Variants in PDE11A observed in about 807,000 individuals in gnomAD.
The protein encoded by PDE11A is phosphodiesterase 11A.
Under a neutral mutation model 100.5 loss-of-function variants are expected in PDE11A, and 100 were observed. That is an observed-to-expected ratio of 1.00 (90% CI 0.85 to 1.18). The LOEUF is 1.18. PDE11A is among the 50% of genes most tolerant of loss of function. PDE11A has a pLI of 0.00. For synonymous variants in PDE11A, 381 were observed against 420.8 expected (o/e 0.91, Z 1.16); for missense variants, 1,141 against 1,152.6 (o/e 0.99, Z 0.15).
chr2:177,864,525 AG>A (rs1490498057), intron 5 of PDE11A, among the ~76,000 whole-genome samples: 1 of 152,212 alleles, frequency 6.6e-6, no homozygotes, highest in Non-Finnish European at 1.5e-5. Flanking sequence ...GTGGTAGAGG[AG>A]AGAAAAATGA....
At chr2:178,041,454 G>C (rs1219572060) in intron 1 of PDE11A, among the ~76,000 whole-genome samples, 1 of 151,718 alleles carries the variant, frequency 6.6e-6, no homozygotes. Context: ...ATAGTGGTCA[G>C]GCTGGTCTCG....
intron 19 of PDE11A, among the ~76,000 whole-genome samples, chr2:177,652,290 G>A (rs550984766): frequency 2.0e-5 from 3 of 152,312 alleles, no homozygotes; most frequent in African/African-American, 7.2e-5. Context: ...CCTCCTGGGG[G>A]CAAACAGAGG....
rs1342419058 is a variant in PDE11A, at chr2:177,660,093, TTCTTTCTCTCTCTCTC to T, written c.2646+3757_2646+3772del. 1.8e-3 allele frequency among the ~76,000 whole-genome samples: 66 copies of T among 35,912 alleles called. 4 individuals carry two copies. Among genetic ancestry groups the T allele is most frequent in the African/African-American group, 5.5e-3 (59 of 10,686 alleles). 23.6% of individuals were successfully genotyped at this position (35,912 alleles called of 152,430 possible). A position where few individuals can be genotyped will look rare whatever the true frequency, so the allele number is the denominator to read the frequency against. On this transcript the variant is annotated intron_variant, in intron 19 of 19. Coordinates refer to ENST00000286063, the MANE Select transcript of PDE11A (RefSeq NM_016953.4). ...TTTCTTTCTTTCTTTCTTTCTTTCT[TTCTTTCTCTCTCTCTC>T]TCTTTCTTTCTTTCTTTCTTTCATT...
chr2:177,677,042 T>C (rs1441638675), intron 16 of PDE11A, among the ~76,000 whole-genome samples: 7 of 152,216 alleles, frequency 4.6e-5, no homozygotes, highest in Admixed American at 4.6e-4. Flanking sequence ...TCTCAGCATC[T>C]CTCCTGCATA....
intron 4 of PDE11A, among the ~76,000 whole-genome samples, chr2:177,878,789 G>A (rs2084283288): frequency 6.6e-6 from 1 of 152,166 alleles, no homozygotes; most frequent in African/African-American, 2.4e-5. Flanking sequence ...GCAAGAGCAA[G>A]TGTTATTGCA....
intron 2 of PDE11A, among the ~76,000 whole-genome samples, chr2:177,977,305 CAGAG>C (rs1231115653): frequency 6.8e-6 from 1 of 146,008 alleles, no homozygotes; most frequent in Non-Finnish European, 1.5e-5. Context: ...AACAGACAAA[CAGAG>C]AGCCAAATCA....
At chr2:177,700,244 G>A (rs1258372956) in intron 14 of PDE11A, among the ~76,000 whole-genome samples, 1 of 152,082 alleles carries the variant, frequency 6.6e-6, no homozygotes, top group Non-Finnish European at 1.5e-5. Context: ...TATTGCAAAA[G>A]ACATGCTTTC....
intron 19 of PDE11A, among the ~76,000 whole-genome samples, chr2:177,660,097 TTCTC>T (rs146788797): frequency 1.4e-4 from 10 of 69,348 alleles, no homozygotes; most frequent in African/African-American, 5.2e-4. Flanking sequence ...CTTTCTTTCT[TTCTC>T]TCTCTCTCTC....
chr2:177,706,420 C>T (rs1052242142), intron 13 of PDE11A, among the ~76,000 whole-genome samples: 3 of 152,126 alleles, frequency 2.0e-5, no homozygotes, highest in African/African-American at 2.4e-5. Flanking sequence ...CCTAGCACAG[C>T]ATCTTGAATA....
chr2:178,082,308 A>G (rs1281648576), intron 2 of PDE11A, among the ~76,000 whole-genome samples: 1 of 152,210 alleles, frequency 6.6e-6, no homozygotes, highest in African/African-American at 2.4e-5. Context: ...TTCTATTATT[A>G]TTGTTGTTAT....
intron 19 of PDE11A, among the ~76,000 whole-genome samples, chr2:177,642,818 T>C (rs2080162858): frequency 6.6e-6 from 1 of 152,194 alleles, no homozygotes; most frequent in South Asian, 2.1e-4. Context: ...TGACATGTCA[T>C]GGGAGGAACC....
chr2:178,070,125 C>A (rs2087106093), intron 1 of PDE11A, among the ~76,000 whole-genome samples: 2 of 152,254 alleles, frequency 1.3e-5, no homozygotes, highest in East Asian at 1.9e-4. Flanking sequence ...CTTCTCATAG[C>A]TTTCTAGGAT....
rs1265000018 is a variant in PDE11A, at chr2:177,628,503, G to A, written c.*904C>T. The A allele has an allele frequency of 6.6e-6, 1 of 152,482 alleles. No individual in the cohort carries two copies. The highest frequency in any genetic ancestry group is 1.5e-5 in the Non-Finnish European group (1 of 68,030). 9.4% of individuals were successfully genotyped at this position (152,482 alleles called of 1,614,324 possible). A position where few individuals can be genotyped will look rare whatever the true frequency, so the allele number is the denominator to read the frequency against. On this transcript the variant is annotated 3_prime_UTR_variant, in exon 20 of 20. Coordinates refer to ENST00000286063, the MANE Select transcript of PDE11A (RefSeq NM_016953.4). ...GACCCCTATAGTTTGCTTTAAGTTG[G>A]TTACTGGTAGTAATCTTAAATTTTA... is the stretch of plus-strand genomic sequence containing the variant.
At chr2:177,826,529 A>C (rs916702713) in intron 6 of PDE11A, among the ~76,000 whole-genome samples, 4 of 152,240 alleles carry the variant, frequency 2.6e-5, no homozygotes, top group Non-Finnish European at 4.4e-5. Flanking sequence ...GAGAGAACTG[A>C]GTTTGGCCTA....
chr2:177,778,084 C>T (rs1224725882), intron 9 of PDE11A, among the ~76,000 whole-genome samples: 1 of 152,174 alleles, frequency 6.6e-6, no homozygotes, highest in Non-Finnish European at 1.5e-5. Flanking sequence ...TTATCGGACC[C>T]ATGAAAGAGA....
At chr2:177,946,313 G>A (rs1167156662) in intron 2 of PDE11A, among the ~76,000 whole-genome samples, 7 of 127,892 alleles carry the variant, frequency 5.5e-5, no homozygotes, top group South Asian at 2.5e-4. Flanking sequence ...CAGCCGCCCC[G>A]TCCGGGAGGG....
chr2:177,878,103 G>T (rs1412642511), intron 4 of PDE11A, among the ~76,000 whole-genome samples: 2 of 152,164 alleles, frequency 1.3e-5, no homozygotes, highest in African/African-American at 2.4e-5. Flanking sequence ...AATTCTGTGT[G>T]ACCAGATGAA....
chr2:177,845,794 C>T (rs1416614051), intron 5 of PDE11A, among the ~76,000 whole-genome samples: 6 of 152,204 alleles, frequency 3.9e-5, no homozygotes, highest in African/African-American at 7.2e-5. Context: ...CTCGGGAGGC[C>T]GAGGCTGGTG....
At chr2:177,654,900 T>C (rs1446587653) in intron 19 of PDE11A, among the ~76,000 whole-genome samples, 1 of 151,520 alleles carries the variant, frequency 6.6e-6, no homozygotes, top group Non-Finnish European at 1.5e-5. Flanking sequence ...GAGAGGCTCA[T>C]GAAGAAAAGG....
Sources: allele counts gnomAD v4.1 joint callset (sites outside exome capture counted in the v4.1 genomes callset), GRCh38; gene constraint gnomAD v4.1.1; transcripts MANE v1.5; gene names NCBI Gene and HGNC (gene_info 2026-07-23, HGNC 2026-07-21).